TMPRSS15: variants seen among roughly 807,000 people sequenced by gnomAD.
TMPRSS15 encodes the protein enteropeptidase.
Under a neutral mutation model 125.3 loss-of-function variants are expected in TMPRSS15, and 128 were observed. The observed-to-expected ratio is 1.02, with a 90% CI of 0.89 to 1.18. The LOEUF is 1.18. TMPRSS15 is among the 50% of genes most tolerant of loss of function. TMPRSS15 has a pLI of 0.00. For missense variants in TMPRSS15, 1,283 were observed against 1,212.7 expected (o/e 1.06, Z -0.86); for synonymous variants, 446 against 423.2 (o/e 1.05, Z -0.66).
intron 8 of TMPRSS15, among the ~76,000 whole-genome samples, chr21:18,358,875 T>G (rs2075651795): frequency 6.6e-6 from 1 of 152,046 alleles, no homozygotes; most frequent in Non-Finnish European, 1.5e-5. Flanking sequence ...CTGTAAAAAA[T>G]TATTCAATAG....
intron 18 of TMPRSS15, among the ~76,000 whole-genome samples, chr21:18,303,436 C>T (rs58327154): frequency 0.086 from 13,093 of 152,036 alleles, 606 homozygotes; most frequent in Non-Finnish European, 0.11. Context: ...TGGATTTTAT[C>T]GATTTTATTC....
chr21:18,314,749 G>T (rs756422920), intron 17 of TMPRSS15, among the ~76,000 whole-genome samples: 9 of 152,180 alleles, frequency 5.9e-5, no homozygotes, highest in South Asian at 2.1e-4. Flanking sequence ...ACTCAGCAGG[G>T]CAGGGGGAGA....
rs370060926 is a variant in TMPRSS15 at position 18,269,937 on chromosome 21, A to G, written c.*32T>C. ...CTTTCTAGAGTAGAATGGGAAAATA[A>G]TGCGACTTTCCTGTTTAGTTTAAGA... On this transcript the variant is annotated 3_prime_UTR_variant, in exon 25 of 25. Coordinates refer to ENST00000284885, the MANE Select transcript of TMPRSS15 (RefSeq NM_002772.3). 1.2e-5 allele frequency: 20 copies of G among 1,612,040 alleles called. No homozygotes were observed. The highest frequency in any genetic ancestry group is 1.7e-5 in the Admixed American group (1 of 59,878).
intron 12 of TMPRSS15, among the ~76,000 whole-genome samples, chr21:18,342,276 G>A (rs951134470): frequency 6.6e-6 from 1 of 152,204 alleles, no homozygotes; most frequent in African/African-American, 2.4e-5. Flanking sequence ...GCTATGCTAG[G>A]CACATGGTAT....
chr21:18,368,753 G>A (rs1328849758), intron 6 of TMPRSS15, among the ~76,000 whole-genome samples: 6 of 152,124 alleles, frequency 3.9e-5, no homozygotes, highest in East Asian at 1.9e-4. Context: ...CTGCTCTAAC[G>A]AGGCTCTAGT....
chr21:18,480,557 T>C (rs1978964010), intron 1 of TMPRSS15, among the ~76,000 whole-genome samples: 1 of 151,874 alleles, frequency 6.6e-6, no homozygotes, highest in Admixed American at 6.6e-5. Context: ...AAAGATGAAA[T>C]GACTGGACAT....
intron 18 of TMPRSS15, among the ~76,000 whole-genome samples, chr21:18,299,862 G>A (rs1243196214): frequency 3.3e-5 from 5 of 152,124 alleles, no homozygotes; most frequent in Non-Finnish European, 5.9e-5. Flanking sequence ...GGTAGGGTCC[G>A]GCTATCTGTA....
At chr21:18,369,732 T>C (rs1285005281) in intron 6 of TMPRSS15, among the ~76,000 whole-genome samples, 1 of 152,034 alleles carries the variant, frequency 6.6e-6, no homozygotes, top group African/African-American at 2.4e-5. Flanking sequence ...TCCATGAATA[T>C]AGATTGATGG....
chr21:18,317,869 C>CATTCT (rs2075187578), intron 16 of TMPRSS15, among the ~76,000 whole-genome samples: 1 of 136,712 alleles, frequency 7.3e-6, no homozygotes, highest in Admixed American at 7.4e-5. Context: ...CATCCCATCC[C>CATTCT]ATCCCATCCC....
In TMPRSS15 at chr21:18,437,133, A is replaced by C. The variant is rs1321218892; in HGVS notation, c.11-38804T>G. ...TACTGGTACCAAAACAGAGATATAGATCAATGGAACAGAACAGAGCCCTCA... is the reference window on the plus strand; with the variant it reads ...TACTGGTACCAAAACAGAGATATAGCTCAATGGAACAGAACAGAGCCCTCA... On this transcript the variant is annotated intron_variant, in intron 1 of 7. Coordinates refer to the TMPRSS15 transcript ENST00000422787. Among the ~76,000 whole-genome samples, 6 of 148,766 alleles carry C rather than the reference A, an allele frequency of 4.0e-5. No homozygotes were observed. In the South Asian group the frequency reaches 6.6e-4, roughly 16 times the overall value.
At chr21:18,323,983 T>C (rs530346708) in intron 16 of TMPRSS15, among the ~76,000 whole-genome samples, 74 of 152,266 alleles carry the variant, frequency 4.9e-4, no homozygotes, top group African/African-American at 1.7e-3. Context: ...TTTCAATACT[T>C]ACAAAAATAA....
chr21:18,482,293 T>A (rs1408563826), intron 1 of TMPRSS15, among the ~76,000 whole-genome samples: 1 of 151,536 alleles, frequency 6.6e-6, no homozygotes, highest in Non-Finnish European at 1.5e-5. Context: ...ATCAGAATTT[T>A]TACACTTCTA....
intron 24 of TMPRSS15, among the ~76,000 whole-genome samples, chr21:18,274,966 T>C (rs1248959549): frequency 1.3e-5 from 2 of 152,222 alleles, no homozygotes; most frequent in African/African-American, 4.8e-5. Flanking sequence ...TCAAGTATTA[T>C]GTCTAGTCTC....
At chr21:18,343,884 G>A (rs2075477025) in intron 11 of TMPRSS15, 71 bp downstream of exon 11, 2 of 1,394,346 alleles carry the variant, frequency 1.4e-6, no homozygotes, top group Non-Finnish European at 2.0e-6. Flanking sequence ...TGAAATATGA[G>A]CCTGGTGGCC....
intron 16 of TMPRSS15, among the ~76,000 whole-genome samples, chr21:18,315,962 G>A (rs899817850): frequency 1.3e-5 from 2 of 148,954 alleles, no homozygotes; most frequent in African/African-American, 5.0e-5. Flanking sequence ...CATGGCACAT[G>A]TATACACATG....
At chr21:18,338,569 AATTACTGC>A (rs1276249957) in intron 13 of TMPRSS15, among the ~76,000 whole-genome samples, 2 of 152,066 alleles carry the variant, frequency 1.3e-5, no homozygotes, top group East Asian at 3.9e-4. Context: ...CCAAATCCAA[AATTACTGC>A]ATTTATGTGG....
intron 5 of TMPRSS15, among the ~76,000 whole-genome samples, chr21:18,379,001 A>G (rs900261831): frequency 6.6e-6 from 1 of 152,118 alleles, no homozygotes; most frequent in Admixed American, 6.5e-5. Context: ...AAACCTTTTG[A>G]TACTACTGGT....
At chr21:18,464,094 A>T (rs1208621376) in intron 1 of TMPRSS15, among the ~76,000 whole-genome samples, 2 of 146,674 alleles carry the variant, frequency 1.4e-5, no homozygotes, top group African/African-American at 5.1e-5. Context: ...AATGGCATGA[A>T]CCCGGGAGGC....
At position 18,281,248 on chromosome 21, in the gene TMPRSS15, G is replaced by A. The variant is rs746212748; in HGVS notation, c.2487-27C>T. 18 of 1,598,296 alleles carry A rather than the reference G, an allele frequency of 1.1e-5. No homozygotes were observed. The South Asian group carries it at 2.0e-4, about 18-fold the overall frequency. On this transcript the variant is annotated intron_variant, in intron 21 of 24. Transcript: ENST00000284885. ...TGAAAATTGTAATGAAGAAATATGA[G>A]ACACTCTCCATCCAAAGCAGTTCCT...
Sources: gnomAD v4.1 joint callset for allele counts (sites outside exome capture counted in the v4.1 genomes callset) on GRCh38, gnomAD v4.1.1 for gene constraint, MANE v1.5 for transcripts, NCBI Gene and HGNC (gene_info 2026-07-23, HGNC 2026-07-21) for gene names.